ANO3: variants seen among roughly 807,000 people sequenced by gnomAD.
ANO3 encodes anoctamin-3.
A neutral mutation model predicts 144.8 loss-of-function variants in ANO3; 99 were observed. The ratio of observed to expected loss-of-function variants is 0.68; its 90% CI spans 0.58 to 0.81. The LOEUF (loss-of-function observed/expected upper bound fraction) is 0.81. ANO3 is among the 30% of genes least tolerant of loss of function. The pLI, the probability that ANO3 is intolerant of heterozygous loss-of-function variation, is 0.00. For missense variants in ANO3, 905 were observed against 1,202.2 expected, an observed-to-expected ratio of 0.75 and a Z score of 3.66; for synonymous variants, 414 against 392.6, an observed-to-expected ratio of 1.05 and a Z score of -0.64.
chr11:26,546,292 T>G lies in ANO3; in HGVS notation c.1155-1124T>G, dbSNP rs2663166. 5.9e-5 allele frequency among the ~76,000 whole-genome samples: 9 copies of G among 151,650 alleles called. No individual in the cohort carries two copies. In the East Asian group the frequency reaches 1.8e-3, roughly 30 times the overall value. ...TCCTAGGAGAGAGAGATAAATAAAA[T>G]GAAAAAATTGGAGAAGTGATGCTTG... is the stretch of plus-strand genomic sequence containing the variant. On this transcript the variant is annotated intron_variant, in intron 11 of 26. Coordinates refer to ENST00000256737, the MANE Select transcript of ANO3 (RefSeq NM_031418.4).
chr11:26,593,417 G>A (rs1851511025), intron 14 of ANO3, among the ~76,000 whole-genome samples: 2 of 152,132 alleles, frequency 1.3e-5, no homozygotes, highest in Admixed American at 6.5e-5. Flanking sequence ...CCTGTCCTAG[G>A]ACCCCTTGGA....
At chr11:26,335,530 A>G (rs1458962283) in intron 1 of ANO3, among the ~76,000 whole-genome samples, 2 of 152,150 alleles carry the variant, frequency 1.3e-5, no homozygotes, top group Admixed American at 1.3e-4. Flanking sequence ...TCCTCAATTC[A>G]TATGTCCATC....
At chr11:26,371,055 G>C (rs969656986) in intron 1 of ANO3, among the ~76,000 whole-genome samples, 2 of 152,198 alleles carry the variant, frequency 1.3e-5, no homozygotes, top group Non-Finnish European at 2.9e-5. Context: ...GGGTCTGTCA[G>C]AGTCCTTCAC....
chr11:26,333,065 G>A (rs1240266284), intron 1 of ANO3, among the ~76,000 whole-genome samples: 1 of 152,088 alleles, frequency 6.6e-6, no homozygotes, highest in Non-Finnish European at 1.5e-5. Context: ...AGTTTTTGGA[G>A]TTTTATTATC....
At chr11:26,259,854 A>G (rs1300486733) in intron 1 of ANO3, among the ~76,000 whole-genome samples, 1 of 151,852 alleles carries the variant, frequency 6.6e-6, no homozygotes, top group Non-Finnish European at 1.5e-5. Context: ...TTACATAGAG[A>G]ATATACAAAG....
intron 1 of ANO3, among the ~76,000 whole-genome samples, chr11:26,218,222 G>A (rs900214417): frequency 4.1e-4 from 63 of 151,932 alleles, no homozygotes; most frequent in Admixed American, 3.7e-3. Context: ...GCCCCCTATC[G>A]CACCCAGTTC....
intron 4 of ANO3, among the ~76,000 whole-genome samples, chr11:26,472,911 G>A (rs1859834155): frequency 1.3e-5 from 2 of 151,806 alleles, no homozygotes; most frequent in South Asian, 4.1e-4. Flanking sequence ...TGTGTTTACT[G>A]AATAGTTTCT....
At chr11:26,484,266 T>A (rs2134093698) in intron 4 of ANO3, among the ~76,000 whole-genome samples, 1 of 152,266 alleles carries the variant, frequency 6.6e-6, no homozygotes, top group Admixed American at 6.5e-5. Flanking sequence ...TGCAAAAATT[T>A]GCATAAGTAA....
In ANO3 at chr11:26,568,170, G is replaced by C. The variant is rs180848504; in HGVS notation, c.1447+8391G>C. Among the ~76,000 whole-genome samples the C allele has an allele frequency of 7.9e-5, 12 of 152,150 alleles. No individual in the cohort carries two copies. The East Asian group carries it at 2.3e-3, about 29-fold the overall frequency. ...TAAAAATGTTTAACATAATTGGAAA[G>C]TATATTACTATTATGCATTTGATAT... On this transcript the variant is annotated intron_variant, in intron 14 of 26. Transcript: ENST00000256737.
At chr11:26,332,456 A>T (rs1855077924) in intron 1 of ANO3, 135 bp downstream of exon 1, 2 of 883,664 alleles carry the variant, frequency 2.3e-6, no homozygotes, top group Non-Finnish European at 3.5e-6. Context: ...AAAAAAAAAA[A>T]AAAATTAAAT....
At chr11:26,318,711 TGGA>T (rs1854686463) in intron 1 of ANO3, among the ~76,000 whole-genome samples, 1 of 152,104 alleles carries the variant, frequency 6.6e-6, no homozygotes, top group African/African-American at 2.4e-5. Context: ...GTGCATCAGG[TGGA>T]GAACATTCCA....
chr11:26,218,302 A>T (rs1852073780), intron 1 of ANO3, among the ~76,000 whole-genome samples: 1 of 152,098 alleles, frequency 6.6e-6, no homozygotes, highest in East Asian at 1.9e-4. Context: ...AGTATTAATA[A>T]GAAAATGTCC....
At chr11:26,269,557 T>C (rs1226720130) in intron 1 of ANO3, among the ~76,000 whole-genome samples, 18 of 152,292 alleles carry the variant, frequency 1.2e-4, no homozygotes. Flanking sequence ...TTGCTTATCC[T>C]TTGACAGTAA....
At chr11:26,316,061 T>A (rs952877390) in intron 1 of ANO3, among the ~76,000 whole-genome samples, 1 of 152,090 alleles carries the variant, frequency 6.6e-6, no homozygotes, top group Non-Finnish European at 1.5e-5. Context: ...TACACACAAA[T>A]GAGGTATGTG....
upstream of ANO3, among the ~76,000 whole-genome samples, chr11:26,308,900 A>T (rs928361764): frequency 1.3e-5 from 2 of 152,198 alleles, no homozygotes; most frequent in Non-Finnish European, 2.9e-5. Flanking sequence ...TTTTATTTTT[A>T]CAGCATTTCA....
chr11:26,528,190 G>A (rs1054047325), intron 7 of ANO3, among the ~76,000 whole-genome samples: 6 of 152,088 alleles, frequency 3.9e-5, no homozygotes, highest in Admixed American at 2.6e-4. Flanking sequence ...TTATAAACAC[G>A]TATTGAGTAC....
intron 3 of ANO3, among the ~76,000 whole-genome samples, chr11:26,447,507 G>A (rs1473092238): frequency 1.3e-5 from 2 of 152,104 alleles, no homozygotes; most frequent in Non-Finnish European, 2.9e-5. Flanking sequence ...TAGCCACAAA[G>A]GCCTTAAGGT....
intron 10 of ANO3, 98 bp from the exon 11 acceptor site, chr11:26,541,849 A>G (rs1280045784): frequency 8.7e-7 from 1 of 1,154,146 alleles, no homozygotes; most frequent in Non-Finnish European, 1.2e-6. Flanking sequence ...AGCTTTCAAT[A>G]AGTTGTTAAA....
intron 1 of ANO3, among the ~76,000 whole-genome samples, chr11:26,289,198 A>T (rs1853878440): frequency 6.6e-6 from 1 of 152,106 alleles, no homozygotes; most frequent in Non-Finnish European, 1.5e-5. Flanking sequence ...GGCAAAAAAA[A>T]AGTAGCAGGA....
Sources: gnomAD v4.1 joint callset for allele counts (sites outside exome capture counted in the v4.1 genomes callset) on GRCh38, gnomAD v4.1.1 for gene constraint, MANE v1.5 for transcripts, NCBI Gene and HGNC (gene_info 2026-07-23, HGNC 2026-07-21) for gene names.